The following KYAT1 variants were observed in gnomAD, a reference collection of about 807,000 sequenced individuals.
KYAT1 encodes kynurenine aminotransferase 1, also known as kynurenine--oxoglutarate transaminase 1.
Under a neutral mutation model 52.4 loss-of-function variants are expected in KYAT1, and 47 were observed. The ratio of observed to expected loss-of-function variants is 0.90; its 90% CI spans 0.71 to 1.14. The LOEUF (loss-of-function observed/expected upper bound fraction) is 1.14, where lower values mean the gene tolerates loss of function less well. Among genes scored for constraint, KYAT1 ranks in the 50% most tolerant of loss-of-function variants. The pLI is 0.00. For synonymous variants in KYAT1, 212 were observed against 209.6 expected (o/e 1.01, Z -0.10); for missense variants, 480 against 557.9 (o/e 0.86, Z 1.41).
At position 128,838,361 on chromosome 9, in the gene KYAT1, G is replaced by T. The variant is rs766646205; in HGVS notation, c.208C>A (p.Pro70Thr). 6.2e-7 allele frequency: 1 copy of T among 1,614,112 alleles called. No individual in the cohort carries two copies. The highest frequency in any genetic ancestry group is 1.1e-5 in the South Asian group (1 of 91,092). The change falls in exon 4 of 13, where the codon CCA (proline) becomes ACA (threonine). Residue 70 changes from proline to threonine, a missense_variant. By Grantham distance (38) the Pro-to-Thr change is conservative. Coordinates refer to ENST00000302586, the MANE Select transcript of KYAT1 (RefSeq NM_004059.5). Reference protein sequence around the residue: ...LNQYTKTFGYPPLTKILASFF... With the variant: ...LNQYTKTFGYTPLTKILASFF... ...CTTGCCAGGATCTTCGTCAGTGGTG[G>T]GTAACCCTGCCAGGACAGCAGGGGT...
At chr9:128,855,798 T>C (rs765377820) in intron 1 of KYAT1, among the ~76,000 whole-genome samples, 3 of 152,232 alleles carry the variant, frequency 2.0e-5, no homozygotes, top group Non-Finnish European at 2.9e-5. Flanking sequence ...AAAAGATTCA[T>C]TTTTTACTTT....
chr9:128,833,791 A>C lies in KYAT1; in HGVS notation c.1158T>G (p.Ser386Arg). The C allele has an allele frequency of 6.2e-7, 1 of 1,614,246 alleles. No homozygotes were observed. Among genetic ancestry groups the C allele is most frequent in the Non-Finnish European group, 8.5e-7 (1 of 1,180,036 alleles). Reference sequence around the variant, plus strand: ...GGTCAAAGTGCTTCTGATGTGGCACACTATAGAAGATGGAGACAGGGATGG... The same window carrying C: ...GGTCAAAGTGCTTCTGATGTGGCACCCTATAGAAGATGGAGACAGGGATGG... ...LVAIPVSIFY[S>R]VPHQKHFDHY... The change falls in exon 12 of 13, where the codon AGT (serine) becomes AGG (arginine). Residue 386 changes from serine (S) to arginine (R), a missense_variant. Physicochemically the swap from Ser to Arg is moderately radical, Grantham distance 110. Coordinates refer to ENST00000302586, the MANE Select transcript of KYAT1 (RefSeq NM_004059.5).
intron 1 of KYAT1, among the ~76,000 whole-genome samples, chr9:128,851,979 G>A (rs567971477): frequency 2.0e-5 from 3 of 152,250 alleles, no homozygotes; most frequent in East Asian, 1.9e-4. Flanking sequence ...GACTTGGCTC[G>A]TGGCACTCAT....
At chr9:128,880,684 C>T (rs964647000) in intron 1 of KYAT1, among the ~76,000 whole-genome samples, 3 of 152,016 alleles carry the variant, frequency 2.0e-5, no homozygotes, top group African/African-American at 4.8e-5. Flanking sequence ...CCTCGTGATC[C>T]GCCCGCCTCA....
intron 1 of KYAT1, among the ~76,000 whole-genome samples, chr9:128,856,832 T>C (rs544801194): frequency 2.6e-4 from 40 of 152,368 alleles, no homozygotes; most frequent in South Asian, 1.4e-3. Flanking sequence ...ATCTGAAATA[T>C]GGCCTTGTGG....
chr9:128,865,096 C>T (rs1588135885), intron 1 of KYAT1, among the ~76,000 whole-genome samples: 1 of 147,954 alleles, frequency 6.8e-6, no homozygotes, highest in South Asian at 2.2e-4. Context: ...AGTGGTGGTG[C>T]ACGTCTGTAG....
intron 7 of KYAT1, 178 bp from the exon 8 acceptor site, chr9:128,836,251 TTCTC>T (rs757916426): frequency 2.6e-4 from 122 of 468,414 alleles, no homozygotes; most frequent in South Asian, 4.5e-4. Context: ...CCTTCCTTCT[TTCTC>T]TCTCTCTCTC....
chr9:128,845,518 C>T, intron 1 of KYAT1, 107 bp from the exon 2 acceptor site: 1 of 1,037,104 alleles, frequency 9.6e-7, no homozygotes, highest in Non-Finnish European at 1.5e-6. Context: ...GCCATCCTGT[C>T]TGCTCCCAGG....
At chr9:128,869,146 A>G (rs1836861819) in intron 1 of KYAT1, among the ~76,000 whole-genome samples, 1 of 147,042 alleles carries the variant, frequency 6.8e-6, no homozygotes, top group Non-Finnish European at 1.5e-5. Flanking sequence ...GGCCTTATTG[A>G]TTTTTGACAA....
At chr9:128,846,907 T>A in intron 1 of KYAT1, 1 of 1,469,140 alleles carries the variant, frequency 6.8e-7, no homozygotes, top group Non-Finnish European at 9.1e-7. Context: ...CAGTTCCACC[T>A]CGCTCAGTTC....
upstream of KYAT1, chr9:128,882,435 C>T (rs1184224723): frequency 3.0e-5 from 10 of 333,138 alleles, no homozygotes; most frequent in Non-Finnish European, 4.9e-5. Context: ...CCGGAGTCTC[C>T]GGGGCACCAC....
chr9:128,838,828 C>T (rs1831605570), intron 3 of KYAT1, among the ~76,000 whole-genome samples: 1 of 152,226 alleles, frequency 6.6e-6, no homozygotes, highest in African/African-American at 2.4e-5. Context: ...CCATGAACCT[C>T]AGTCCAAGAG....
chr9:128,851,457 G>A (rs1477244928), intron 1 of KYAT1, among the ~76,000 whole-genome samples: 2 of 152,154 alleles, frequency 1.3e-5, no homozygotes, highest in Non-Finnish European at 2.9e-5. Context: ...GGGAGTTAAA[G>A]CTTCTACAGA....
At chr9:128,848,820 C>CAAAA (rs746737161) in intron 1 of KYAT1, among the ~76,000 whole-genome samples, 1 of 57,058 alleles carries the variant, frequency 1.8e-5, no homozygotes, top group Non-Finnish European at 3.5e-5. Flanking sequence ...GACTCTGTCT[C>CAAAA]AAAAAAAAAA....
At chr9:128,876,860 G>A (rs779287548) in intron 1 of KYAT1, among the ~76,000 whole-genome samples, 1 of 151,366 alleles carries the variant, frequency 6.6e-6, no homozygotes, top group Non-Finnish European at 1.5e-5. Flanking sequence ...CCAAGTAGCC[G>A]GGATTACAGG....
chr9:128,872,234 G>A (rs1443390755), intron 1 of KYAT1, among the ~76,000 whole-genome samples: 2 of 149,894 alleles, frequency 1.3e-5, no homozygotes, highest in Admixed American at 1.3e-4. Context: ...CACGAGGTCA[G>A]GAGATTGAGA....
Position 128,833,824 on chromosome 9 carries a change from G to A in KYAT1, c.1125C>T (p.Gly375=), listed in dbSNP as rs777355613. ...AGATGGAGACAGGGATGGCCACCAA[G>A]CCCTGGGGAGGAGGAAGGACATGTC... ...RFVKWMIKNK[G]LVAIPVSIFY... is the part of the protein sequence containing the mutation. Residue 375 remains glycine, a splice_region_variant and synonymous_variant, in exon 12 of 13, where the codon GGC becomes GGT. Transcript: ENST00000302586. 16 of 1,613,552 alleles carry A rather than the reference G, an allele frequency of 9.9e-6. No individual in the cohort carries two copies. The Admixed American group carries it at 2.7e-4, about 27-fold the overall frequency.
At chr9:128,879,280 AG>A (rs1838472401) in intron 1 of KYAT1, among the ~76,000 whole-genome samples, 7 of 152,010 alleles carry the variant, frequency 4.6e-5, no homozygotes, top group Admixed American at 4.6e-4. Flanking sequence ...ACTGCACTCC[AG>A]CCTGGGCGAC....
chr9:128,861,911 T>C (rs1461872602), intron 1 of KYAT1, among the ~76,000 whole-genome samples: 2 of 152,228 alleles, frequency 1.3e-5, no homozygotes, highest in South Asian at 4.1e-4. Flanking sequence ...AGGGTCTCTT[T>C]AGGTTAGCCA....
Sources: allele counts gnomAD v4.1 joint callset (sites outside exome capture counted in the v4.1 genomes callset), GRCh38; gene constraint gnomAD v4.1.1; transcripts MANE v1.5; gene names NCBI Gene and HGNC (gene_info 2026-07-23, HGNC 2026-07-21).